The following SCFD2 variants were observed in gnomAD, a reference collection of about 807,000 sequenced individuals.
SCFD2 encodes the protein sec1 family domain containing 2, also known as sec1 family domain-containing protein 2.
Under a neutral mutation model 58.9 loss-of-function variants are expected in SCFD2, and 54 were observed. The ratio of observed to expected loss-of-function variants is 0.92; its 90% CI spans 0.74 to 1.15. The LOEUF (loss-of-function observed/expected upper bound fraction) is 1.15, where lower values mean the gene tolerates loss of function less well. Ranked by LOEUF, SCFD2 falls within the 50% of genes most tolerant of loss-of-function variation. SCFD2 has a pLI of 0.00. For missense variants in SCFD2, 805 were observed against 836.6 expected (o/e 0.96, Z 0.47); for synonymous variants, 321 against 335.9 (o/e 0.96, Z 0.49).
At chr4:53,097,062 C>T (rs1308206298) in intron 5 of SCFD2, among the ~76,000 whole-genome samples, 5 of 152,072 alleles carry the variant, frequency 3.3e-5, no homozygotes, top group African/African-American at 9.7e-5. Context: ...CTGTTCTGTT[C>T]CATTGGTCTA....
chr4:53,339,031 C>T (rs1733778276), intron 2 of SCFD2, among the ~76,000 whole-genome samples: 1 of 151,848 alleles, frequency 6.6e-6, no homozygotes, highest in African/African-American at 2.4e-5. Context: ...AAAGGAATTT[C>T]TCTAAATAGA....
At chr4:53,263,858 C>A (rs954809954) in intron 4 of SCFD2, among the ~76,000 whole-genome samples, 1 of 152,146 alleles carries the variant, frequency 6.6e-6, no homozygotes, top group African/African-American at 2.4e-5. Flanking sequence ...ATAGAGCCCC[C>A]AAGAGATTAT....
In SCFD2 at chr4:52,993,958, G is replaced by A. The variant is rs544862816; in HGVS notation, c.1562-73088C>T. Among the ~76,000 whole-genome samples, 8 of 152,360 alleles carry A rather than the reference G, an allele frequency of 5.3e-5. No homozygotes were observed. The East Asian group carries it at 5.8e-4, about 11-fold the overall frequency. Reference sequence around the variant, plus strand: ...AGTGCCACGGCAAGGGAAACAAAGCGCAGACCGCATTGCTTGGGCCCCAGC... The same window carrying A: ...AGTGCCACGGCAAGGGAAACAAAGCACAGACCGCATTGCTTGGGCCCCAGC... On this transcript the variant is annotated intron_variant, in intron 5 of 8. Transcript: ENST00000401642.
rs536230663 is a variant in SCFD2 at position 53,322,229 on chromosome 4, G to A, written c.1008-8466C>T. On this transcript the variant is annotated intron_variant, in intron 2 of 8. Coordinates refer to ENST00000401642, the MANE Select transcript of SCFD2 (RefSeq NM_152540.4). ...ACCTTACTGCAAGCTGTTTTAGCTT[G>A]CAGTAAAGAAGCCGACCAAAACCCA... Among the ~76,000 whole-genome samples, 5 of 152,254 alleles carry A rather than the reference G, an allele frequency of 3.3e-5. No homozygotes were observed. The South Asian group carries it at 6.2e-4, about 19-fold the overall frequency.
rs564272923 is a variant in SCFD2, at chr4:53,162,511, G to A, written c.1312-16929C>T. On this transcript the variant is annotated intron_variant, in intron 4 of 8. Transcript: ENST00000401642. Reference sequence around the variant, plus strand: ...TAGTTCTAGATCCCTGAGGAATCGCGACACTGACTTCCACAATGGTTGAAC... The same window carrying A: ...TAGTTCTAGATCCCTGAGGAATCGCAACACTGACTTCCACAATGGTTGAAC... 7.2e-5 allele frequency among the ~76,000 whole-genome samples: 11 copies of A among 152,252 alleles called. No homozygotes were observed. The East Asian group carries it at 7.7e-4, about 11-fold the overall frequency.
intron 5 of SCFD2, among the ~76,000 whole-genome samples, chr4:53,019,476 C>T (rs1294156705): frequency 2.0e-5 from 3 of 152,152 alleles, no homozygotes; most frequent in Non-Finnish European, 4.4e-5. Context: ...TCATACTTTT[C>T]TACCATAAAT....
chr4:53,115,894 C>A (rs141363539), intron 5 of SCFD2, among the ~76,000 whole-genome samples: 12 of 152,100 alleles, frequency 7.9e-5, no homozygotes, highest in African/African-American at 2.7e-4. Flanking sequence ...ATATAGAAGA[C>A]CTATGCTGTT....
intron 5 of SCFD2, among the ~76,000 whole-genome samples, chr4:53,100,046 G>A (rs1375851288): frequency 6.6e-6 from 1 of 152,012 alleles, no homozygotes. Context: ...CAAACTAAAA[G>A]GAAATCAGAA....
At chr4:53,080,294 T>C (rs565347328) in intron 5 of SCFD2, among the ~76,000 whole-genome samples, 35 of 152,268 alleles carry the variant, frequency 2.3e-4, no homozygotes, top group African/African-American at 7.9e-4. Context: ...GTCTTTCCAA[T>C]CTCCACTCAG....
At chr4:52,941,918 T>C (rs977467374) in intron 5 of SCFD2, among the ~76,000 whole-genome samples, 12 of 152,232 alleles carry the variant, frequency 7.9e-5, no homozygotes, top group African/African-American at 1.2e-4. Flanking sequence ...TCTGAAACTC[T>C]GAAATCTGAA....
chr4:52,932,236 C>T (rs896166836), intron 5 of SCFD2, among the ~76,000 whole-genome samples: 7 of 152,162 alleles, frequency 4.6e-5, no homozygotes, highest in Admixed American at 1.3e-4. Context: ...GGCTGTGATG[C>T]GTCTCTGGAA....
chr4:53,238,123 G>A (rs1180279023), intron 4 of SCFD2, among the ~76,000 whole-genome samples: 1 of 133,176 alleles, frequency 7.5e-6, no homozygotes, highest in East Asian at 2.5e-4. Context: ...CCCAGTAGGG[G>A]TGGCCGGGCA....
chr4:53,107,783 T>C lies in SCFD2; in HGVS notation c.1561+37550A>G, dbSNP rs945912365. Reference sequence around the variant, plus strand: ...TGCCCACACAATCATAGTGGAAGACTTTAACACCCCACTGTCAATATTAGA... The same window carrying C: ...TGCCCACACAATCATAGTGGAAGACCTTAACACCCCACTGTCAATATTAGA... On this transcript the variant is annotated intron_variant, in intron 5 of 8. Transcript: ENST00000401642. 3.3e-5 allele frequency among the ~76,000 whole-genome samples: 5 copies of C among 152,280 alleles called. 1 individual carries two copies. Among genetic ancestry groups the C allele is most frequent in the East Asian group, 3.9e-4 (2 of 5,190 alleles).
chr4:53,080,279 A>G (rs1029206966), intron 5 of SCFD2, among the ~76,000 whole-genome samples: 1 of 152,200 alleles, frequency 6.6e-6, no homozygotes, highest in African/African-American at 2.4e-5. Context: ...TTATGGTTTA[A>G]TAATGTCTTT....
chr4:53,251,952 T>G (rs1021486867), intron 4 of SCFD2, among the ~76,000 whole-genome samples: 1 of 152,120 alleles, frequency 6.6e-6, no homozygotes, highest in Non-Finnish European at 1.5e-5. Context: ...TTGTCCCTGT[T>G]TGCAGACGAC....
chr4:53,228,020 C>T (rs936185630), intron 4 of SCFD2, among the ~76,000 whole-genome samples: 21 of 152,290 alleles, frequency 1.4e-4, no homozygotes, highest in African/African-American at 4.3e-4. Context: ...GGCTCCACCA[C>T]TTATAAACTA....
At chr4:53,207,525 A>AATAGATATAATATAT (rs1728454711) in intron 4 of SCFD2, among the ~76,000 whole-genome samples, 1 of 42,762 alleles carries the variant, frequency 2.3e-5, no homozygotes, top group African/African-American at 1.2e-4. Flanking sequence ...TTATATATAT[A>AATAGATATAATATAT]ATATTTATAT....
At chr4:53,161,320 C>G (rs1413453149) in intron 4 of SCFD2, among the ~76,000 whole-genome samples, 2 of 152,112 alleles carry the variant, frequency 1.3e-5, no homozygotes, top group Admixed American at 1.3e-4. Context: ...GACATTAAAC[C>G]AGCCATATTT....
At chr4:53,185,540 C>T (rs982692914) in intron 4 of SCFD2, among the ~76,000 whole-genome samples, 6 of 151,962 alleles carry the variant, frequency 3.9e-5, no homozygotes, top group Non-Finnish European at 5.9e-5. Flanking sequence ...TGGCAGGGTC[C>T]TACCAGCAAC....
Sources: gnomAD v4.1 joint callset for allele counts (sites outside exome capture counted in the v4.1 genomes callset) on GRCh38, gnomAD v4.1.1 for gene constraint, MANE v1.5 for transcripts, NCBI Gene and HGNC (gene_info 2026-07-23, HGNC 2026-07-21) for gene names.